The following SEZ6L variants were observed in gnomAD, a reference collection of about 807,000 sequenced individuals.
The protein encoded by SEZ6L is seizure related 6 homolog like, also known as seizure 6-like protein.
A neutral mutation model predicts 106.2 loss-of-function variants in SEZ6L; 37 were observed. The observed-to-expected ratio is 0.35, with a 90% CI of 0.27 to 0.46. The LOEUF (loss-of-function observed/expected upper bound fraction) is 0.46. Among genes scored for constraint, SEZ6L ranks in the 20% least tolerant of loss-of-function variants. SEZ6L has a pLI of 1.00. For synonymous variants in SEZ6L, 541 were observed against 570.4 expected (o/e 0.95, Z 0.73); for missense variants, 1,172 against 1,332.8 (o/e 0.88, Z 1.88).
chr22:26,344,148 G>C (rs1364665350), intron 10 of SEZ6L, among the ~76,000 whole-genome samples: 1 of 152,194 alleles, frequency 6.6e-6, no homozygotes, highest in Non-Finnish European at 1.5e-5. Context: ...CCTAAGCCCA[G>C]CTCTGGAAGG....
At chr22:26,223,476 A>G (rs1191414290) in intron 1 of SEZ6L, among the ~76,000 whole-genome samples, 1 of 152,324 alleles carries the variant, frequency 6.6e-6, no homozygotes, top group East Asian at 1.9e-4. Context: ...TTTAATTTCA[A>G]GCACAAATTG....
chr22:26,315,786 G>A (rs1024627930), intron 9 of SEZ6L, among the ~76,000 whole-genome samples: 2 of 152,004 alleles, frequency 1.3e-5, no homozygotes, highest in Non-Finnish European at 1.5e-5. Flanking sequence ...ATCTGGGCAC[G>A]GTAGCTCACA....
chr22:26,249,846 T>G (rs1487819144), intron 1 of SEZ6L, among the ~76,000 whole-genome samples: 2 of 152,208 alleles, frequency 1.3e-5, no homozygotes, highest in Non-Finnish European at 2.9e-5. Context: ...TTATTTTTTG[T>G]CTTTTTGATA....
intron 1 of SEZ6L, among the ~76,000 whole-genome samples, chr22:26,274,429 A>G (rs1157815108): frequency 6.6e-6 from 1 of 152,224 alleles, no homozygotes; most frequent in Non-Finnish European, 1.5e-5. Flanking sequence ...ATTGGCCTTC[A>G]TCATCACCAC....
chr22:26,291,867 C>T (rs2081119678), intron 1 of SEZ6L, among the ~76,000 whole-genome samples: 1 of 152,164 alleles, frequency 6.6e-6, no homozygotes, highest in Non-Finnish European at 1.5e-5. Context: ...ACTTTCCCAT[C>T]CCCCTTCCCA....
At chr22:26,316,508 A>G (rs2082000736) in intron 9 of SEZ6L, among the ~76,000 whole-genome samples, 1 of 151,392 alleles carries the variant, frequency 6.6e-6, no homozygotes, top group African/African-American at 2.5e-5. Context: ...ATAGCATGAA[A>G]GAGAAGGTAG....
intron 1 of SEZ6L, among the ~76,000 whole-genome samples, chr22:26,205,584 G>A (rs1246888894): frequency 6.6e-6 from 1 of 151,740 alleles, no homozygotes; most frequent in Non-Finnish European, 1.5e-5. Flanking sequence ...GAATCACCCA[G>A]GGCAACTATT....
chr22:26,236,223 G>A (rs549874091), intron 1 of SEZ6L, among the ~76,000 whole-genome samples: 2 of 152,346 alleles, frequency 1.3e-5, no homozygotes, highest in South Asian at 4.1e-4. Flanking sequence ...TTTGAGGGCA[G>A]ATGGCAGTGC....
chr22:26,244,883 A>G (rs1207405), intron 1 of SEZ6L, among the ~76,000 whole-genome samples: 131,638 of 152,132 alleles, frequency 0.87, 57,355 homozygotes, highest in Non-Finnish European at 0.93. Context: ...GAGAAGAGAG[A>G]CAGAGAGGGA....
At chr22:26,204,394 A>G (rs1265725648) in intron 1 of SEZ6L, among the ~76,000 whole-genome samples, 1 of 152,224 alleles carries the variant, frequency 6.6e-6, no homozygotes, top group Non-Finnish European at 1.5e-5. Context: ...CATGCTAGTC[A>G]TCGTTCTAGG....
At chr22:26,308,863 G>C (rs919306306) in intron 6 of SEZ6L, among the ~76,000 whole-genome samples, 7 of 152,116 alleles carry the variant, frequency 4.6e-5, no homozygotes, top group Non-Finnish European at 8.8e-5. Context: ...AACCCTCTTT[G>C]CCAAAGGCTT....
intron 1 of SEZ6L, among the ~76,000 whole-genome samples, chr22:26,175,331 T>C (rs1342506656): frequency 1.3e-5 from 2 of 152,212 alleles, no homozygotes; most frequent in Non-Finnish European, 2.9e-5. Flanking sequence ...GGCACTTACG[T>C]TGGTTATTTT....
At chr22:26,302,680 A>G (rs1190221745) in intron 5 of SEZ6L, among the ~76,000 whole-genome samples, 1 of 152,148 alleles carries the variant, frequency 6.6e-6, no homozygotes, top group Non-Finnish European at 1.5e-5. Flanking sequence ...TCCAAACCAT[A>G]GGGCAGTTGG....
At chr22:26,248,667 C>T (rs747636415) in intron 1 of SEZ6L, among the ~76,000 whole-genome samples, 1 of 152,248 alleles carries the variant, frequency 6.6e-6, no homozygotes, top group Non-Finnish European at 1.5e-5. Context: ...CGAAGATCCT[C>T]TCTTGCCAAC....
At position 26,313,865 on chromosome 22, in the gene SEZ6L, G is replaced by A. The variant is rs746384139; in HGVS notation, c.1978G>A (p.Val660Met). The A allele has an allele frequency of 9.3e-6, 15 of 1,610,560 alleles. 1 individual carries two copies. The Admixed American group carries it at 1.0e-4, about 11-fold the overall frequency. The change falls in exon 9 of 17, where the codon GTG becomes ATG. Residue 660 changes from valine to methionine, a missense_variant. By Grantham distance (21) the Val-to-Met change is conservative. Transcript: ENST00000248933. ...TGAAGATTGTATCTGGAAGATCCAC[G>A]TGGGAGAAGAGAAACGGATCTTCTT... is the stretch of plus-strand genomic sequence containing the variant. ...EGEDCIWKIH[V>M]GEEKRIFLDI...
At chr22:26,289,589 C>T (rs189637511) in intron 1 of SEZ6L, among the ~76,000 whole-genome samples, 2 of 152,338 alleles carry the variant, frequency 1.3e-5, no homozygotes, top group Non-Finnish European at 2.9e-5. Context: ...GCCATCCACT[C>T]ACGCTGCTCC....
intron 1 of SEZ6L, among the ~76,000 whole-genome samples, chr22:26,270,844 C>A (rs976426737): frequency 6.6e-6 from 1 of 152,142 alleles, no homozygotes; most frequent in Non-Finnish European, 1.5e-5. Flanking sequence ...TCCCCAGCCT[C>A]GAGCTTCCAA....
At chr22:26,264,343 T>C (rs680338) in intron 1 of SEZ6L, among the ~76,000 whole-genome samples, 32,481 of 152,128 alleles carry the variant, frequency 0.21, 4,052 homozygotes, top group South Asian at 0.32. Flanking sequence ...TCTTGTCACT[T>C]TGTAGCTGTG....
At chr22:26,195,653 T>A (rs2145666472) in intron 1 of SEZ6L, among the ~76,000 whole-genome samples, 1 of 152,262 alleles carries the variant, frequency 6.6e-6, no homozygotes, top group Non-Finnish European at 1.5e-5. Context: ...AGTGACAAAA[T>A]GGATGTGGTC....
Sources: gnomAD v4.1 joint callset for allele counts (sites outside exome capture counted in the v4.1 genomes callset) on GRCh38, gnomAD v4.1.1 for gene constraint, MANE v1.5 for transcripts, NCBI Gene and HGNC (gene_info 2026-07-23, HGNC 2026-07-21) for gene names.